The following EXOC2 variants were observed in gnomAD, a reference collection of about 807,000 sequenced individuals.
EXOC2 encodes the protein exocyst complex component 2, also known as SEC5-like 1.
A neutral mutation model predicts 131.8 loss-of-function variants in EXOC2; 70 were observed. That is an observed-to-expected ratio of 0.53 (90% CI 0.44 to 0.65). The LOEUF is 0.65. Ranked by LOEUF, EXOC2 falls within the 30% of genes least tolerant of loss-of-function variation. The probability of loss-of-function intolerance (pLI) is 0.00; values close to 1 mark genes in which losing one functional copy is unlikely to be tolerated. For synonymous variants in EXOC2, 411 were observed against 398.4 expected (o/e 1.03, Z -0.38); for missense variants, 923 against 1,108.6 (o/e 0.83, Z 2.38).
intron 21 of EXOC2, among the ~76,000 whole-genome samples, chr6:552,880 C>A (rs59891300): frequency 0.071 from 10,656 of 150,808 alleles, 778 homozygotes; most frequent in East Asian, 0.41. Flanking sequence ...ACACACACAC[C>A]CCCCCTTCAA....
At chr6:640,795 A>G (rs2127720920) in intron 1 of EXOC2, among the ~76,000 whole-genome samples, 1 of 152,320 alleles carries the variant, frequency 6.6e-6, no homozygotes, top group African/African-American at 2.4e-5. Flanking sequence ...CTAGCTTCCA[A>G]AAGGGTGAGA....
chr6:567,746 T>A (rs1758055262), intron 13 of EXOC2, among the ~76,000 whole-genome samples: 1 of 152,230 alleles, frequency 6.6e-6, no homozygotes, highest in Non-Finnish European at 1.5e-5. Flanking sequence ...TGTGTCTCAG[T>A]ACCTGGGCCC....
At chr6:490,328 G>A (rs1763355973) in intron 26 of EXOC2, among the ~76,000 whole-genome samples, 2 of 152,320 alleles carry the variant, frequency 1.3e-5, no homozygotes, top group South Asian at 4.1e-4. Context: ...TGGGCTGGGT[G>A]CTTTCCATCC....
intron 27 of EXOC2, among the ~76,000 whole-genome samples, chr6:487,717 T>C (rs1014999674): frequency 6.6e-6 from 1 of 152,200 alleles, no homozygotes; most frequent in Non-Finnish European, 1.5e-5. Flanking sequence ...AGTCATCTAA[T>C]TTTTAAAGCT....
intron 8 of EXOC2, 35 bp from the exon 9 acceptor site, chr6:598,976 T>A: frequency 6.4e-7 from 1 of 1,574,606 alleles, no homozygotes. Flanking sequence ...AAACTGTCAG[T>A]AATGCAAAAT....
At chr6:500,406 C>A (rs1174742985) in intron 23 of EXOC2, among the ~76,000 whole-genome samples, 2 of 152,186 alleles carry the variant, frequency 1.3e-5, no homozygotes, top group Non-Finnish European at 2.9e-5. Flanking sequence ...AATGTGGGGT[C>A]TGAGGTCTGA....
At chr6:667,538 TGATCAAAGAAAAAGGCA>T (rs1352414740) in intron 1 of EXOC2, among the ~76,000 whole-genome samples, 1 of 97,194 alleles carries the variant, frequency 1.0e-5, no homozygotes, top group African/African-American at 3.1e-5. Flanking sequence ...CTGAGGGTCT[TGATCAAAGAAAAAGGCA>T]GAGAAAAGGC....
chr6:497,859 TA>T (rs1249347136), intron 24 of EXOC2, among the ~76,000 whole-genome samples: 1 of 152,198 alleles, frequency 6.6e-6, no homozygotes, highest in Non-Finnish European at 1.5e-5. Context: ...TACCACAATT[TA>T]AAAAAATATT....
chr6:489,390 C>G (rs968734310), intron 26 of EXOC2, among the ~76,000 whole-genome samples: 2 of 152,130 alleles, frequency 1.3e-5, no homozygotes, highest in Admixed American at 1.3e-4. Context: ...GGGGATAATC[C>G]AGTTACTCTA....
rs538375482 is a variant in EXOC2 at position 532,194 on chromosome 6, G to A, written c.2380+275C>T. Among the ~76,000 whole-genome samples the A allele has an allele frequency of 2.6e-5, 4 of 152,310 alleles. No homozygotes were observed. In the East Asian group the frequency reaches 7.7e-4, roughly 29 times the overall value. On this transcript the variant is annotated intron_variant, in intron 23 of 27. Coordinates refer to ENST00000230449, the MANE Select transcript of EXOC2 (RefSeq NM_018303.6). ...TTGTATCTATGTGAGAAGATCACAG[G>A]AAGCAGGAATGCATTACTAAAACGA... is the stretch of plus-strand genomic sequence containing the variant.
Position 637,866 on chromosome 6 carries a change from T to G in EXOC2, c.-43-5A>C. The G allele has an allele frequency of 6.4e-7, 1 of 1,556,948 alleles. No individual in the cohort carries two copies. Among genetic ancestry groups the G allele is most frequent in the Non-Finnish European group, 8.8e-7 (1 of 1,136,368 alleles). On this transcript the variant is annotated splice_polypyrimidine_tract_variant and splice_region_variant and intron_variant, in intron 1 of 27. Transcript: ENST00000230449. ...TGATCCTGTTAGAGAAGTAATCTGT[T>G]AAAAGAGAAAGAAAAAAGGATTAGT...
chr6:556,246 T>C (rs766977761), intron 18 of EXOC2, among the ~76,000 whole-genome samples: 12 of 152,126 alleles, frequency 7.9e-5, no homozygotes, highest in Non-Finnish European at 1.6e-4. Context: ...GGCCCATCAA[T>C]AGCTGTCCAC....
chr6:639,841 G>T (rs1762276718), intron 1 of EXOC2, among the ~76,000 whole-genome samples: 1 of 152,182 alleles, frequency 6.6e-6, no homozygotes, highest in Non-Finnish European at 1.5e-5. Flanking sequence ...GCAAAGGGCA[G>T]ACACATTTCT....
At chr6:503,196 A>C (rs1171883717) in intron 23 of EXOC2, among the ~76,000 whole-genome samples, 1 of 151,988 alleles carries the variant, frequency 6.6e-6, no homozygotes, top group Non-Finnish European at 1.5e-5. Context: ...GATTGGGCTG[A>C]AATTGTTCAT....
chr6:622,744 A>G (rs1581576439), intron 4 of EXOC2, among the ~76,000 whole-genome samples: 1 of 152,242 alleles, frequency 6.6e-6, no homozygotes, highest in South Asian at 2.1e-4. Flanking sequence ...GCTCTGTCCT[A>G]AACAGTTACA....
rs541373128 is a variant in EXOC2 at position 521,135 on chromosome 6, G to A, written c.2380+11334C>T. 3.7e-3 allele frequency among the ~76,000 whole-genome samples: 512 copies of A among 137,870 alleles called. 32 individuals carry two copies. Among genetic ancestry groups the A allele is most frequent in the Non-Finnish European group, 6.1e-3 (384 of 62,580 alleles). The allele number at this position is 137,870 out of a possible 152,430, so 90.4% of individuals were successfully genotyped here. On this transcript the variant is annotated intron_variant, in intron 23 of 27. Transcript: ENST00000230449. ...ACATGAAAACAACCACCCACCGAGT[G>A]CCTACACTCACTGTCCACACTCGGA...
intron 13 of EXOC2, among the ~76,000 whole-genome samples, chr6:567,578 G>GT (rs1758037586): frequency 6.6e-6 from 1 of 152,150 alleles, no homozygotes. Context: ...AAATTTATGT[G>GT]TATGTCTACA....
chr6:500,829 C>G (rs553348140), intron 23 of EXOC2, among the ~76,000 whole-genome samples: 150 of 151,914 alleles, frequency 9.9e-4, no homozygotes, highest in African/African-American at 3.5e-3. Context: ...CTCATCCACG[C>G]TACTGGTTAG....
intron 11 of EXOC2, among the ~76,000 whole-genome samples, chr6:591,469 A>G (rs1581508944): frequency 6.6e-6 from 1 of 151,850 alleles, no homozygotes; most frequent in Non-Finnish European, 1.5e-5. Flanking sequence ...TTCCTTCTCT[A>G]TTTCAACTGT....
Sources: allele counts gnomAD v4.1 joint callset (sites outside exome capture counted in the v4.1 genomes callset), GRCh38; gene constraint gnomAD v4.1.1; transcripts MANE v1.5; gene names NCBI Gene and HGNC (gene_info 2026-07-23, HGNC 2026-07-21).